The following PHTF2 variants were observed in gnomAD, a reference collection of about 807,000 sequenced individuals.
The protein encoded by PHTF2 is protein PHTF2.
A neutral mutation model predicts 101.2 loss-of-function variants in PHTF2; 60 were observed. The ratio of observed to expected loss-of-function variants is 0.59; its 90% CI spans 0.48 to 0.73. The LOEUF (loss-of-function observed/expected upper bound fraction) is 0.73, where lower values mean the gene tolerates loss of function less well. Ranked by LOEUF, PHTF2 falls within the 30% of genes least tolerant of loss-of-function variation. PHTF2 has a pLI of 0.00. For missense variants in PHTF2, 747 were observed against 908.7 expected (o/e 0.82, Z 2.29); for synonymous variants, 311 against 307.3 (o/e 1.01, Z -0.13).
At position 77,927,157 on chromosome 7, in the gene PHTF2, CAAAAAA is replaced by C. The variant is rs869210694; in HGVS notation, c.1120-1936_1120-1931del. The stretch of plus-strand genomic sequence containing the variant: ...TGGGTGACAGAGTGAGACTCCATCT[CAAAAAA>C]AAAAAAAAAAAAAAATATATATATA... On this transcript the variant is annotated intron_variant, in intron 11 of 19. Transcript: ENST00000416283. Among the ~76,000 whole-genome samples, 285 of 36,500 alleles carry C rather than the reference CAAAAAA, an allele frequency of 7.8e-3. 2 individuals are homozygous for C. Among genetic ancestry groups the C allele is most frequent in the East Asian group, 0.019 (18 of 932 alleles). The allele number at this position is 36,500 out of a possible 152,430, so 23.9% of individuals were successfully genotyped here. A position where few individuals can be genotyped will look rare whatever the true frequency, so the allele number is the denominator to read the frequency against.
At chr7:77,866,170 C>T (rs1052180530) in intron 3 of PHTF2, among the ~76,000 whole-genome samples, 24 of 123,512 alleles carry the variant, frequency 1.9e-4, no homozygotes, top group African/African-American at 7.8e-4. Flanking sequence ...GATGACAGAG[C>T]GAGACTACCT....
At chr7:77,800,965 T>C (rs1189308887) in intron 1 of PHTF2, among the ~76,000 whole-genome samples, 1 of 152,230 alleles carries the variant, frequency 6.6e-6, no homozygotes, top group Admixed American at 6.5e-5. Flanking sequence ...CACAATAAAA[T>C]TGGCTTCTTG....
At chr7:77,923,460 A>G (rs1803670043) in intron 11 of PHTF2, 1 of 985,300 alleles carries the variant, frequency 1.0e-6, no homozygotes, top group Non-Finnish European at 1.2e-6. Flanking sequence ...CTTGTAAAAC[A>G]AACACATGTT....
At chr7:77,906,934 T>TAAAAAA (rs10694050) in intron 7 of PHTF2, among the ~76,000 whole-genome samples, 1 of 118,884 alleles carries the variant, frequency 8.4e-6, no homozygotes, top group Non-Finnish European at 1.7e-5. Flanking sequence ...TAATGGTAGC[T>TAAAAAA]AAAAAAAAAA....
intron 1 of PHTF2, among the ~76,000 whole-genome samples, chr7:77,816,896 G>A (rs1793895663): frequency 6.6e-6 from 1 of 152,162 alleles, no homozygotes. Flanking sequence ...GCGAATGACA[G>A]GATTTGATTC....
At chr7:77,956,905 A>C (rs1284475913) in exon 20 of PHTF2, 2 of 152,208 alleles carry the variant, frequency 1.3e-5, no homozygotes, top group African/African-American at 4.8e-5. Context: ...TATTAAGTAC[A>C]GTATACCTCT....
intron 9 of PHTF2, among the ~76,000 whole-genome samples, chr7:77,916,953 CTTA>C (rs1360990931): frequency 2.0e-5 from 3 of 152,160 alleles, no homozygotes; most frequent in Non-Finnish European, 2.9e-5. Flanking sequence ...TCGTGACCCA[CTTA>C]TTATCCTGCT....
chr7:77,923,079 C>G, intron 11 of PHTF2: 1 of 1,048,454 alleles, frequency 9.5e-7, no homozygotes, highest in Non-Finnish European at 1.1e-6. Flanking sequence ...CTCCTGTGTT[C>G]ACTTTTTCCA....
At chr7:77,937,251 T>C (rs1805227877) in intron 12 of PHTF2, among the ~76,000 whole-genome samples, 1 of 152,234 alleles carries the variant, frequency 6.6e-6, no homozygotes, top group African/African-American at 2.4e-5. Context: ...TCATATTCTT[T>C]TTTAATGATC....
At chr7:77,799,323 C>T (rs908668959) in intron 1 of PHTF2, among the ~76,000 whole-genome samples, 4 of 152,340 alleles carry the variant, frequency 2.6e-5, no homozygotes, top group African/African-American at 7.2e-5. Flanking sequence ...GCTTCCTTCC[C>T]TTGGCGCTGT....
At chr7:77,934,275 A>G (rs998283600) in intron 12 of PHTF2, among the ~76,000 whole-genome samples, 3 of 152,172 alleles carry the variant, frequency 2.0e-5, no homozygotes, top group African/African-American at 7.2e-5. Flanking sequence ...TCATTGTTTT[A>G]TTTTGTTTGT....
chr7:77,913,999 G>C (rs1389764952), intron 9 of PHTF2, among the ~76,000 whole-genome samples: 2 of 150,070 alleles, frequency 1.3e-5, no homozygotes, highest in African/African-American at 4.9e-5. Flanking sequence ...CTGGGTGGCA[G>C]AGGTTGCAGT....
At chr7:77,850,108 C>T (rs911831583) in intron 2 of PHTF2, among the ~76,000 whole-genome samples, 2 of 150,416 alleles carry the variant, frequency 1.3e-5, no homozygotes, top group South Asian at 2.1e-4. Flanking sequence ...CCCAGAACTT[C>T]GGGAGGCTGA....
chr7:77,879,283 T>G (rs998488357), intron 3 of PHTF2, among the ~76,000 whole-genome samples: 3 of 152,338 alleles, frequency 2.0e-5, no homozygotes, highest in African/African-American at 7.2e-5. Context: ...GGGCTAATCT[T>G]TTTAATATTT....
At chr7:77,935,519 C>T (rs1328511036) in intron 12 of PHTF2, among the ~76,000 whole-genome samples, 1 of 152,188 alleles carries the variant, frequency 6.6e-6, no homozygotes, top group Non-Finnish European at 1.5e-5. Flanking sequence ...GCCACCGCGC[C>T]CGGCGTAATT....
intron 7 of PHTF2, chr7:77,906,420 CAGAAG>C (rs1220187819): frequency 6.6e-6 from 1 of 152,150 alleles, no homozygotes; most frequent in African/African-American, 2.4e-5. Context: ...AAGATACAGT[CAGAAG>C]AAAGAAGGAA....
At chr7:77,885,295 C>G (rs145889397) in intron 3 of PHTF2, among the ~76,000 whole-genome samples, 2 of 152,068 alleles carry the variant, frequency 1.3e-5, no homozygotes, top group African/African-American at 2.4e-5. Flanking sequence ...GAGGGTCTCA[C>G]TGTGTTGTCC....
At chr7:77,856,966 A>G (rs1797234860) in intron 3 of PHTF2, among the ~76,000 whole-genome samples, 1 of 152,176 alleles carries the variant, frequency 6.6e-6, no homozygotes, top group Non-Finnish European at 1.5e-5. Context: ...CTTGCAATAT[A>G]ACAGATGACA....
intron 1 of PHTF2, among the ~76,000 whole-genome samples, chr7:77,799,694 T>A (rs1273831661): frequency 6.6e-6 from 1 of 152,242 alleles, no homozygotes; most frequent in Non-Finnish European, 1.5e-5. Context: ...ACTCAGCACC[T>A]CCTTGTGTAA....
Sources: gnomAD v4.1 joint callset for allele counts (sites outside exome capture counted in the v4.1 genomes callset) on GRCh38, gnomAD v4.1.1 for gene constraint, MANE v1.5 for transcripts, NCBI Gene and HGNC (gene_info 2026-07-23, HGNC 2026-07-21) for gene names.